TENM3: variants seen among roughly 807,000 people sequenced by gnomAD.
TENM3 encodes teneurin transmembrane protein 3, also known as teneurin-3.
In TENM3, 63 loss-of-function variants were observed where a neutral mutation model predicts 255.1. That is an observed-to-expected ratio of 0.25 (90% CI 0.20 to 0.30). The LOEUF (loss-of-function observed/expected upper bound fraction) is 0.30. TENM3 is among the 10% of genes least tolerant of loss of function. TENM3 has a pLI of 1.00. For missense variants in TENM3, 2,929 were observed against 3,461.1 expected (o/e 0.85, Z 3.86); for synonymous variants, 1,306 against 1,322.3 (o/e 0.99, Z 0.27).
chr4:182,022,449 GGTGATGC>G, the TENM3 span, among the ~76,000 whole-genome samples: 1 of 151,602 alleles, frequency 6.6e-6, no homozygotes, highest in Non-Finnish European at 1.5e-5. Flanking sequence ...TCACCACTGA[GGTGATGC>G]GTTCATTAGG....
At chr4:182,254,039 T>G (rs1252013217) in intron 1 of TENM3, among the ~76,000 whole-genome samples, 1 of 152,250 alleles carries the variant, frequency 6.6e-6, no homozygotes, top group African/African-American at 2.4e-5. Flanking sequence ...ATTCTAATCT[T>G]TTTCCTACAG....
chr4:182,066,703 G>A, the TENM3 span, among the ~76,000 whole-genome samples: 2 of 151,568 alleles, frequency 1.3e-5, no homozygotes, highest in Admixed American at 6.6e-5. Context: ...AAGGTCAGGA[G>A]ATCGAGACCG....
At chr4:182,470,098 A>G (rs925656867) in intron 3 of TENM3, among the ~76,000 whole-genome samples, 28 of 152,200 alleles carry the variant, frequency 1.8e-4, no homozygotes, top group African/African-American at 6.8e-4. Flanking sequence ...AAAAAGTACG[A>G]AACCATTTTA....
the TENM3 span, among the ~76,000 whole-genome samples, chr4:181,641,984 C>T: frequency 1.3e-5 from 2 of 150,980 alleles, no homozygotes; most frequent in South Asian, 2.1e-4. Context: ...TGGGTATATA[C>T]CCAGTAATGG....
At chr4:181,656,623 AG>A in the TENM3 span, among the ~76,000 whole-genome samples, 2 of 152,174 alleles carry the variant, frequency 1.3e-5, no homozygotes, top group African/African-American at 2.4e-5. Flanking sequence ...CTAAAGGTGA[AG>A]GTGGATGTTT....
the TENM3 span, among the ~76,000 whole-genome samples, chr4:181,560,206 A>T: frequency 1.4e-5 from 1 of 72,466 alleles, no homozygotes; most frequent in African/African-American, 3.5e-5. Context: ...CTGTCTTCTC[A>T]CTGTGGCTTC....
At chr4:182,288,548 C>A (rs905563607) in intron 1 of TENM3, among the ~76,000 whole-genome samples, 1 of 152,122 alleles carries the variant, frequency 6.6e-6, no homozygotes, top group Non-Finnish European at 1.5e-5. Context: ...CAATAAACAG[C>A]GGTTGAATGA....
chr4:182,575,794 T>C (rs1294529338), intron 3 of TENM3, among the ~76,000 whole-genome samples: 1 of 152,242 alleles, frequency 6.6e-6, no homozygotes, highest in Non-Finnish European at 1.5e-5. Flanking sequence ...TTTTTAGATA[T>C]AATACTGTAT....
chr4:182,536,755 G>C (rs1395860890), intron 3 of TENM3, among the ~76,000 whole-genome samples: 1 of 152,142 alleles, frequency 6.6e-6, no homozygotes, highest in East Asian at 1.9e-4. Context: ...CATGGTGAAC[G>C]TTTCTGTGAA....
the TENM3 span, among the ~76,000 whole-genome samples, chr4:181,853,665 T>C: frequency 6.0e-4 from 91 of 152,328 alleles, no homozygotes; most frequent in African/African-American, 2.0e-3. Context: ...ATGCAGGATG[T>C]GGAGGCATCT....
chr4:181,866,115 C>T, the TENM3 span, among the ~76,000 whole-genome samples: 2 of 152,116 alleles, frequency 1.3e-5, no homozygotes, highest in East Asian at 3.9e-4. Flanking sequence ...TATTTTAATT[C>T]GTTTGATATT....
the TENM3 span, among the ~76,000 whole-genome samples, chr4:181,790,108 A>G: frequency 1.3e-5 from 2 of 152,052 alleles, no homozygotes; most frequent in African/African-American, 4.8e-5. Flanking sequence ...ACTGAGCCCC[A>G]CCTGAGCACT....
At chr4:182,355,776 G>A (rs34375688) in intron 3 of TENM3, among the ~76,000 whole-genome samples, 20,553 of 152,050 alleles carry the variant, frequency 0.14, 1,504 homozygotes, top group African/African-American at 0.16. Context: ...GACTCAGTGA[G>A]TGATGGTATA....
At chr4:182,305,319 T>C (rs1762073215) in intron 1 of TENM3, among the ~76,000 whole-genome samples, 1 of 152,228 alleles carries the variant, frequency 6.6e-6, no homozygotes. Flanking sequence ...TGTAAGGTGC[T>C]GATTTACTGT....
chr4:181,652,022 A>T, the TENM3 span, among the ~76,000 whole-genome samples: 1 of 152,102 alleles, frequency 6.6e-6, no homozygotes, highest in Non-Finnish European at 1.5e-5. Context: ...GCATCACAAT[A>T]GCTTATAACA....
At chr4:182,585,165 A>G (rs1334097337) in intron 3 of TENM3, among the ~76,000 whole-genome samples, 1 of 152,218 alleles carries the variant, frequency 6.6e-6, no homozygotes, top group Non-Finnish European at 1.5e-5. Flanking sequence ...ACTTTAATAT[A>G]CATTATCTCC....
chr4:181,622,365 CCTT>C, the TENM3 span, among the ~76,000 whole-genome samples: 1 of 152,080 alleles, frequency 6.6e-6, no homozygotes, highest in South Asian at 2.1e-4. Context: ...TTTCTTGAAA[CCTT>C]CTTCTTATAA....
intron 3 of TENM3, among the ~76,000 whole-genome samples, chr4:182,377,414 A>C (rs1767251932): frequency 6.6e-6 from 1 of 152,128 alleles, no homozygotes; most frequent in Non-Finnish European, 1.5e-5. Context: ...CCTGGGTTCA[A>C]GCGATTCTCG....
intron 1 of TENM3, among the ~76,000 whole-genome samples, chr4:182,249,357 A>T (rs1468219367): frequency 6.6e-6 from 1 of 152,246 alleles, no homozygotes; most frequent in Non-Finnish European, 1.5e-5. Context: ...ATAACAAATA[A>T]TCCCCAAATC....
Sources: allele counts gnomAD v4.1 joint callset (sites outside exome capture counted in the v4.1 genomes callset), GRCh38; gene constraint gnomAD v4.1.1; transcripts MANE v1.5; gene names NCBI Gene and HGNC (gene_info 2026-07-23, HGNC 2026-07-21).